The following NTF3 variants were observed in gnomAD, a reference collection of about 807,000 sequenced individuals.
NTF3 encodes the protein neurotrophin 3.
A neutral mutation model predicts 26.3 loss-of-function variants in NTF3; 8 were observed. That is an observed-to-expected ratio of 0.30 (90% CI 0.18 to 0.55). The LOEUF (loss-of-function observed/expected upper bound fraction) is 0.55, where lower values mean the gene tolerates loss of function less well. Among genes scored for constraint, NTF3 ranks in the 20% least tolerant of loss-of-function variants. NTF3 has a pLI of 0.93. For missense variants in NTF3, 276 were observed against 352.9 expected (o/e 0.78, Z 1.75); for synonymous variants, 154 against 145.5 (o/e 1.06, Z -0.42).
At chr12:5,441,006 G>A (rs1050584771) in intron 1 of NTF3, among the ~76,000 whole-genome samples, 6 of 152,210 alleles carry the variant, frequency 3.9e-5, no homozygotes, top group African/African-American at 9.7e-5. Flanking sequence ...GATTCGTGGC[G>A]GATCTTGGAT....
intron 1 of NTF3, among the ~76,000 whole-genome samples, chr12:5,442,799 A>G (rs1451371022): frequency 6.6e-6 from 1 of 152,194 alleles, no homozygotes; most frequent in African/African-American, 2.4e-5. Flanking sequence ...TATTATTGTA[A>G]GGGGCCACTC....
At chr12:5,449,866 G>A (rs1000729389) in intron 1 of NTF3, among the ~76,000 whole-genome samples, 2 of 152,146 alleles carry the variant, frequency 1.3e-5, no homozygotes, top group African/African-American at 4.8e-5. Flanking sequence ...ATCCCTCTTT[G>A]TGCCCTTTCT....
chr12:5,494,374 G>A lies in NTF3; in HGVS notation c.199G>A (p.Asp67Asn), dbSNP rs151156814. The A allele has an allele frequency of 1.6e-4, 257 of 1,614,010 alleles. 3 individuals carry two copies. The highest frequency in any genetic ancestry group is 2.2e-4 in the Admixed American group (13 of 60,020). Residue 67 changes from aspartate to asparagine, a missense_variant, in exon 2 of 2, where the codon GAC (aspartate) becomes AAC (asparagine). Coordinates refer to ENST00000423158, the MANE Select transcript of NTF3 (RefSeq NM_001102654.2). This position sits in a 1 kb window ranked among gnomAD's most constrained non-coding sequence, Gnocchi z 8.3. ...LKNKLSKQMVDVKENYQSTLP... is the reference protein window; with the variant it reads ...LKNKLSKQMVNVKENYQSTLP... ...AAACAAGCTCTCCAAGCAGATGGTG[G>A]ACGTTAAGGAAAATTACCAGAGCAC...
intron 1 of NTF3, among the ~76,000 whole-genome samples, chr12:5,457,193 G>C (rs778144026): frequency 6.6e-6 from 1 of 152,226 alleles, no homozygotes; most frequent in African/African-American, 2.4e-5. Flanking sequence ...GAAACTAACC[G>C]AATCTTGTCA....
Position 5,495,142 on chromosome 12 carries a change from A to G in NTF3, c.*154A>G, listed in dbSNP as rs1940993039. On this transcript the variant is annotated 3_prime_UTR_variant, in exon 2 of 2. Coordinates refer to ENST00000423158, the MANE Select transcript of NTF3 (RefSeq NM_001102654.2). ...GTATATAAGCTTTTTTCTCAATAAA[A>G]TCAGTGTGCTTGCCTTCCCTCAGGC... 7.1e-6 allele frequency: 6 copies of G among 839,746 alleles called. No individual in the cohort carries two copies. Among genetic ancestry groups the G allele is most frequent in the Non-Finnish European group, 1.1e-5 (6 of 551,246 alleles). 52.0% of individuals were successfully genotyped at this position (839,746 alleles called of 1,614,324 possible).
Position 5,495,141 on chromosome 12 carries a change from A to G in NTF3, c.*153A>G. The G allele has an allele frequency of 1.2e-6, 1 of 845,060 alleles. No homozygotes were observed. The highest frequency in any genetic ancestry group is 2.0e-5 in the South Asian group (1 of 50,194). The allele number at this position is 845,060 out of a possible 1,614,324, so 52.3% of individuals were successfully genotyped here. On this transcript the variant is annotated 3_prime_UTR_variant, in exon 2 of 2. Transcript: ENST00000423158. ...AGTATATAAGCTTTTTTCTCAATAAAATCAGTGTGCTTGCCTTCCCTCAGG... is the reference window on the plus strand; with the variant it reads ...AGTATATAAGCTTTTTTCTCAATAAGATCAGTGTGCTTGCCTTCCCTCAGG...
Position 5,443,058 on chromosome 12 carries a change from A to G in NTF3, c.18+10716A>G, listed in dbSNP as rs143683642. 5.2e-3 allele frequency among the ~76,000 whole-genome samples: 794 copies of G among 152,310 alleles called. 5 individuals carry two copies. Among genetic ancestry groups the G allele is most frequent in the African/African-American group, 0.018 (741 of 41,566 alleles). On this transcript the variant is annotated intron_variant, in intron 1 of 1. Coordinates refer to ENST00000423158, the MANE Select transcript of NTF3 (RefSeq NM_001102654.2). ...TAGGCTGGGGGATTTGGGAAAGACC[A>G]ATATGGGTCTCCTTTTAGCAATCCC... is the stretch of plus-strand genomic sequence containing the variant.
chr12:5,485,342 G>T (rs942622275), intron 1 of NTF3, among the ~76,000 whole-genome samples: 1 of 152,210 alleles, frequency 6.6e-6, no homozygotes, highest in Non-Finnish European at 1.5e-5. Context: ...TTAGACTTTG[G>T]AGTGAAATTG....
At chr12:5,463,505 C>A (rs1940549183) in intron 1 of NTF3, among the ~76,000 whole-genome samples, 1 of 151,992 alleles carries the variant, frequency 6.6e-6, no homozygotes, top group Non-Finnish European at 1.5e-5. Flanking sequence ...AGTCCTGCAG[C>A]AGGGTTATAG....
chr12:5,451,022 G>C (rs957730462), intron 1 of NTF3, among the ~76,000 whole-genome samples: 5 of 152,172 alleles, frequency 3.3e-5, no homozygotes, highest in Non-Finnish European at 7.3e-5. Context: ...AGTCCAGACA[G>C]CCCTAACCAC....
At chr12:5,458,882 C>T (rs1286078120) in intron 1 of NTF3, among the ~76,000 whole-genome samples, 1 of 152,138 alleles carries the variant, frequency 6.6e-6, no homozygotes, top group African/African-American at 2.4e-5. Flanking sequence ...CACACACACA[C>T]GTGCACACGC....
In NTF3 at chr12:5,433,630, T is replaced by C. The variant is rs977029401; in HGVS notation, c.18+1288T>C. Reference sequence around the variant, plus strand: ...CTTGCGTCCGACGGTGTCGGGGCTGTGGACTAGAAAGGATCCCTTTTGCTG... The same window carrying C: ...CTTGCGTCCGACGGTGTCGGGGCTGCGGACTAGAAAGGATCCCTTTTGCTG... On this transcript the variant is annotated intron_variant, in intron 1 of 1. Coordinates refer to ENST00000423158, the MANE Select transcript of NTF3 (RefSeq NM_001102654.2). The surrounding 1 kb of genome is among the most constrained non-coding windows in gnomAD (Gnocchi z 4.6). Among the ~76,000 whole-genome samples, 1 of 152,070 alleles carries C rather than the reference T, an allele frequency of 6.6e-6. No homozygotes were observed. Among genetic ancestry groups the C allele is most frequent in the African/African-American group, 2.4e-5 (1 of 41,422 alleles).
At chr12:5,468,193 T>C (rs1940616644) in intron 1 of NTF3, among the ~76,000 whole-genome samples, 1 of 152,246 alleles carries the variant, frequency 6.6e-6, no homozygotes, top group African/African-American at 2.4e-5. Flanking sequence ...CTGTTTTATA[T>C]ATACACACTT....
intron 1 of NTF3, among the ~76,000 whole-genome samples, chr12:5,439,139 A>G (rs1417815202): frequency 5.9e-5 from 9 of 152,144 alleles, no homozygotes; most frequent in African/African-American, 1.7e-4. Flanking sequence ...CTTCCACGTG[A>G]ATGTCTTTCA....
chr12:5,441,081 A>G (rs1341918439), intron 1 of NTF3, among the ~76,000 whole-genome samples: 1 of 152,184 alleles, frequency 6.6e-6, no homozygotes, highest in East Asian at 1.9e-4. Flanking sequence ...GCTGAATTCA[A>G]TAAGCTAAAT....
chr12:5,481,840 C>A (rs1940807647), intron 1 of NTF3, among the ~76,000 whole-genome samples: 2 of 139,032 alleles, frequency 1.4e-5, no homozygotes, highest in Non-Finnish European at 3.1e-5. Context: ...ATACTACACA[C>A]ATGCACATGC....
intron 1 of NTF3, among the ~76,000 whole-genome samples, chr12:5,440,199 T>TGTTCTG (rs1940219960): frequency 1.3e-5 from 2 of 152,216 alleles, no homozygotes; most frequent in African/African-American, 4.8e-5. Flanking sequence ...CTTAAACATA[T>TGTTCTG]TTGCATGTAC....
intron 1 of NTF3, among the ~76,000 whole-genome samples, chr12:5,481,553 GCA>G (rs752668923): frequency 2.2e-3 from 29 of 13,070 alleles, no homozygotes; most frequent in African/African-American, 3.5e-3. Context: ...ATACATATAT[GCA>G]CACACACACA....
rs1358330963 is a variant in NTF3 at position 5,433,570 on chromosome 12, C to A, written c.18+1228C>A. Among the ~76,000 whole-genome samples, 1 of 152,042 alleles carries A rather than the reference C, an allele frequency of 6.6e-6. No homozygotes were observed. ...CGGGAGTTTGGCTGCTGCGTTCATT[C>A]GTCGTCTGCGCTTCAGATGCACGGC... is the stretch of plus-strand genomic sequence containing the variant. On this transcript the variant is annotated intron_variant, in intron 1 of 1. Coordinates refer to ENST00000423158, the MANE Select transcript of NTF3 (RefSeq NM_001102654.2). The surrounding 1 kb of genome is among the most constrained non-coding windows in gnomAD (Gnocchi z 4.6).
Sources: allele counts gnomAD v4.1 joint callset (sites outside exome capture counted in the v4.1 genomes callset), GRCh38; gene constraint gnomAD v4.1.1; non-coding constraint Gnocchi (gnomAD v3.1); transcripts MANE v1.5; gene names NCBI Gene and HGNC (gene_info 2026-07-23, HGNC 2026-07-21).